NT5DC3: variants seen among roughly 807,000 people sequenced by gnomAD.
The protein encoded by NT5DC3 is 5'-nucleotidase domain containing 3.
A neutral mutation model predicts 67.8 loss-of-function variants in NT5DC3; 42 were observed. The observed-to-expected ratio is 0.62, with a 90% CI of 0.48 to 0.80. NT5DC3 has a LOEUF of 0.80. NT5DC3 is among the 30% of genes least tolerant of loss of function. The pLI is 0.00. For missense variants in NT5DC3, 570 were observed against 696.4 expected, an observed-to-expected ratio of 0.82 and a Z score of 2.04; for synonymous variants, 237 against 255.6, an observed-to-expected ratio of 0.93 and a Z score of 0.69.
At chr12:103,772,072 G>C (rs1475421751), downstream of NT5DC3, among the ~76,000 whole-genome samples, 1 of 152,134 alleles carries the variant, frequency 6.6e-6, no homozygotes, top group Non-Finnish European at 1.5e-5. Context: ...GGAGATGGGG[G>C]TAGTGAGAAG....
At chr12:103,786,232 A>T (rs1352991235) in intron 11 of NT5DC3, among the ~76,000 whole-genome samples, 1 of 152,156 alleles carries the variant, frequency 6.6e-6, no homozygotes, top group African/African-American at 2.4e-5. Flanking sequence ...GAATAACAGG[A>T]TAAGGAGAGG....
downstream of NT5DC3, among the ~76,000 whole-genome samples, chr12:103,771,654 T>C (rs1024458311): frequency 7.2e-5 from 11 of 152,150 alleles, no homozygotes; most frequent in Admixed American, 7.2e-4. Flanking sequence ...GAATCACCAC[T>C]GGGGACGGAG....
downstream of NT5DC3, among the ~76,000 whole-genome samples, chr12:103,771,800 A>G (rs4981034): frequency 0.73 from 111,515 of 152,130 alleles, 41,190 homozygotes; most frequent in East Asian, 0.9. Context: ...TTATAAGCTC[A>G]TTCACAACTC....
the NT5DC3 span, among the ~76,000 whole-genome samples, chr12:103,765,086 CAAAAAAAAAAA>C: frequency 7.5e-5 from 5 of 66,546 alleles, no homozygotes; most frequent in Non-Finnish European, 1.1e-4. Flanking sequence ...GACTCTGTCT[CAAAAAAAAAAA>C]AAAAAAAAAA....
At chr12:103,765,622 G>A (rs901430244), downstream of NT5DC3, among the ~76,000 whole-genome samples, 7 of 152,164 alleles carry the variant, frequency 4.6e-5, no homozygotes, top group African/African-American at 9.7e-5. Context: ...GGAGTGCAGC[G>A]GCACCATCAG....
chr12:103,787,560 TAC>T, intron 10 of NT5DC3, 33 bp from the exon 11 acceptor site: 1 of 1,268,856 alleles, frequency 7.9e-7, no homozygotes, highest in Non-Finnish European at 1.1e-6. Context: ...TTATTATTAT[TAC>T]AGATAGAGAT....
intron 13 of NT5DC3, among the ~76,000 whole-genome samples, chr12:103,779,584 C>A (rs1406774508): frequency 6.6e-6 from 1 of 152,156 alleles, no homozygotes; most frequent in African/African-American, 2.4e-5. Context: ...CACCCACCCA[C>A]GCACACCACC....
At chr12:103,767,285 C>A (rs374267411), downstream of NT5DC3, among the ~76,000 whole-genome samples, 318 of 152,268 alleles carry the variant, frequency 2.1e-3, 16 homozygotes, top group South Asian at 0.063. Context: ...TTCAGATGAA[C>A]CTTGAAAACA....
chr12:103,782,477 A>G (rs1054653510), intron 12 of NT5DC3, among the ~76,000 whole-genome samples: 9 of 152,200 alleles, frequency 5.9e-5, no homozygotes, highest in Admixed American at 2.0e-4. Context: ...TCATTCACAT[A>G]CTGTCCACGG....
At chr12:103,790,694 C>CTTTTTT (rs67812943) in intron 9 of NT5DC3, among the ~76,000 whole-genome samples, 13 of 74,424 alleles carry the variant, frequency 1.7e-4, no homozygotes, top group Middle Eastern at 0.015. Flanking sequence ...CCAAGTACAT[C>CTTTTTT]TTTTTTTTTT....
chr12:103,780,418 A>C, intron 12 of NT5DC3, 54 bp from the exon 13 acceptor site: 3 of 1,531,192 alleles, frequency 2.0e-6, no homozygotes, highest in Non-Finnish European at 2.7e-6. Context: ...TAAGCTCATT[A>C]CGTAATGAGA....
chr12:103,830,578 T>C (rs537421725), intron 1 of NT5DC3, among the ~76,000 whole-genome samples: 2 of 152,378 alleles, frequency 1.3e-5, no homozygotes, highest in Non-Finnish European at 2.9e-5. Flanking sequence ...GATTATATTA[T>C]AGTCTGGGTA....
At chr12:103,759,398 G>A in the NT5DC3 span, 1 of 1,384,792 alleles carries the variant, frequency 7.2e-7, no homozygotes, top group Non-Finnish European at 9.6e-7. Flanking sequence ...GCAGATAGGG[G>A]ACGGTGTTAA....
chr12:103,817,805 A>C (rs1168242463), intron 1 of NT5DC3, among the ~76,000 whole-genome samples: 1 of 152,260 alleles, frequency 6.6e-6, no homozygotes, highest in Non-Finnish European at 1.5e-5. Context: ...TTCCTAAAAT[A>C]AAAGAAAGTC....
chr12:103,825,549 T>C (rs777470858), intron 1 of NT5DC3, among the ~76,000 whole-genome samples: 3 of 152,188 alleles, frequency 2.0e-5, no homozygotes. Flanking sequence ...CCCAATGCTT[T>C]GGGAGGCCAA....
the NT5DC3 span, among the ~76,000 whole-genome samples, chr12:103,747,164 C>A: frequency 1.0e-3 from 153 of 149,910 alleles, no homozygotes; most frequent in African/African-American, 3.6e-3. Context: ...ATCCAGCCTT[C>A]AAAAAAAAAT....
the NT5DC3 span, chr12:103,749,102 AGAC>A: frequency 5.0e-6 from 8 of 1,613,370 alleles, no homozygotes; most frequent in South Asian, 8.8e-5. Flanking sequence ...ACCCCTGTGC[AGAC>A]GGCCTTAACG....
Position 103,807,040 on chromosome 12 carries a change from T to G in NT5DC3, c.394-111A>C, listed in dbSNP as rs1248356389. On this transcript the variant is annotated intron_variant, in intron 2 of 13. Coordinates refer to ENST00000392876, the MANE Select transcript of NT5DC3 (RefSeq NM_001031701.3). ...AGGTAGTTGATACACCAGTGGGAGG[T>G]TGGGGTCAGAAGGGGCAGACCACAG... The G allele has an allele frequency of 7.4e-6, 5 of 675,542 alleles. No individual in the cohort carries two copies. The Admixed American group carries it at 9.3e-5, about 13-fold the overall frequency. The allele number at this position is 675,542 out of a possible 1,614,324, so 41.8% of individuals were successfully genotyped here. A position where few individuals can be genotyped will look rare whatever the true frequency, so the allele number is the denominator to read the frequency against.
In NT5DC3 at chr12:103,806,861, T is replaced by C; in HGVS notation, c.462A>G (p.Val154=). Residue 154 remains valine, a synonymous_variant, in exon 3 of 14, where the codon GTA becomes GTG. Transcript: ENST00000392876. The part of the protein sequence containing the change: ...NFAIRGLHYD[V]QRAVLMKIDA... Reference sequence around the variant, plus strand: ...ACAGGAGAAGTAAACCTACCCGCTGTACATCATAATGAAGTCCACGAATTG... The same window carrying C: ...ACAGGAGAAGTAAACCTACCCGCTGCACATCATAATGAAGTCCACGAATTG... 5 of 1,590,304 alleles carry C rather than the reference T, an allele frequency of 3.1e-6. No individual in the cohort carries two copies. The highest frequency in any genetic ancestry group is 4.3e-6 in the Non-Finnish European group (5 of 1,158,356).
Sources: gnomAD v4.1 joint callset for allele counts (sites outside exome capture counted in the v4.1 genomes callset) on GRCh38, gnomAD v4.1.1 for gene constraint, MANE v1.5 for transcripts, NCBI Gene and HGNC (gene_info 2026-07-23, HGNC 2026-07-21) for gene names.